PATJ: variants seen among roughly 807,000 people sequenced by gnomAD.
The protein encoded by PATJ is inaD-like protein.
In PATJ, 190 loss-of-function variants were observed where a neutral mutation model predicts 224.9. The observed-to-expected ratio is 0.84, with a 90% CI of 0.75 to 0.95. The LOEUF is 0.95. Among genes scored for constraint, PATJ ranks in the 40% least tolerant of loss-of-function variants. The pLI, the probability that PATJ is intolerant of heterozygous loss-of-function variation, is 0.00. For synonymous variants in PATJ, 769 were observed against 820.3 expected (o/e 0.94, Z 1.07); for missense variants, 2,121 against 2,270.3 (o/e 0.93, Z 1.34).
At chr1:62,130,411 T>G (rs112587033) in intron 41 of PATJ, among the ~76,000 whole-genome samples, 14 of 152,092 alleles carry the variant, frequency 9.2e-5, no homozygotes, top group African/African-American at 3.4e-4. Flanking sequence ...ACGCCTATAA[T>G]CCCAACACTC....
At chr1:61,871,555 ATATTTT>A (rs1407771602) in intron 20 of PATJ, among the ~76,000 whole-genome samples, 163 of 58,026 alleles carry the variant, frequency 2.8e-3, no homozygotes, top group African/African-American at 0.011. Context: ...ATATATATAT[ATATTTT>A]TTTTTTTTTT....
intron 27 of PATJ, among the ~76,000 whole-genome samples, chr1:61,947,943 G>C (rs1003026161): frequency 6.6e-6 from 1 of 152,090 alleles, no homozygotes; most frequent in African/African-American, 2.4e-5. Flanking sequence ...TGACAAACCT[G>C]ACAAAAACAT....
At chr1:61,832,925 C>G (rs957707267) in intron 16 of PATJ, among the ~76,000 whole-genome samples, 2 of 152,120 alleles carry the variant, frequency 1.3e-5, no homozygotes, top group Non-Finnish European at 2.9e-5. Flanking sequence ...TTCCACATAG[C>G]AATGACTCTT....
chr1:61,941,107 G>C (rs1677753290), intron 27 of PATJ, among the ~76,000 whole-genome samples: 1 of 152,164 alleles, frequency 6.6e-6, no homozygotes, highest in Admixed American at 6.5e-5. Context: ...CTGTAGGGTT[G>C]ACATTTTACT....
At chr1:62,133,685 CCT>C (rs1476727901) in intron 41 of PATJ, among the ~76,000 whole-genome samples, 1 of 151,894 alleles carries the variant, frequency 6.6e-6, no homozygotes, top group East Asian at 1.9e-4. Context: ...TCTGGAAACA[CCT>C]GGAGGGCTCC....
At chr1:62,017,775 A>C in intron 28 of PATJ, 81 bp from the exon 29 acceptor site, 2 of 695,728 alleles carry the variant, frequency 2.9e-6, no homozygotes, top group Non-Finnish European at 4.9e-6. Flanking sequence ...AATTCAGTAG[A>C]CTTTATCATT....
At chr1:61,820,668 T>C (rs989624596) in intron 14 of PATJ, among the ~76,000 whole-genome samples, 1 of 152,104 alleles carries the variant, frequency 6.6e-6, no homozygotes, top group African/African-American at 2.4e-5. Flanking sequence ...AATTGTAACT[T>C]TATATGGTTT....
chr1:62,031,417 T>TAA (rs1218643434), intron 29 of PATJ, among the ~76,000 whole-genome samples: 1 of 152,194 alleles, frequency 6.6e-6, no homozygotes, highest in Non-Finnish European at 1.5e-5. Flanking sequence ...TTATAGTCAT[T>TAA]ATATCTCTAT....
intron 31 of PATJ, among the ~76,000 whole-genome samples, chr1:62,073,797 C>T (rs1657836166): frequency 6.6e-6 from 1 of 152,138 alleles, no homozygotes; most frequent in African/African-American, 2.4e-5. Context: ...CCAGACCAGC[C>T]TAAGCGATAT....
chr1:62,146,296 G>A (rs1237229044), intron 41 of PATJ, among the ~76,000 whole-genome samples: 1 of 152,188 alleles, frequency 6.6e-6, no homozygotes, highest in Non-Finnish European at 1.5e-5. Context: ...CATCACTGCA[G>A]ATGACCCTAG....
intron 29 of PATJ, 76 bp from the exon 30 acceptor site, chr1:62,037,901 G>C: frequency 1.4e-6 from 1 of 737,224 alleles, no homozygotes; most frequent in Non-Finnish European, 2.2e-6. Flanking sequence ...ACTGAGAACT[G>C]AGGAAGTATT....
intron 28 of PATJ, among the ~76,000 whole-genome samples, chr1:61,993,104 G>C (rs1645161321): frequency 1.3e-5 from 2 of 152,208 alleles, no homozygotes; most frequent in Admixed American, 1.3e-4. Context: ...TTTAGAGGCT[G>C]TTTGCAATCC....
intron 31 of PATJ, among the ~76,000 whole-genome samples, chr1:62,064,812 A>C (rs1656134203): frequency 6.6e-6 from 1 of 152,104 alleles, no homozygotes; most frequent in South Asian, 2.1e-4. Context: ...CCCAATTTGC[A>C]CTCTATCAAC....
intron 27 of PATJ, among the ~76,000 whole-genome samples, chr1:61,950,075 G>A (rs1464893180): frequency 2.6e-5 from 4 of 152,024 alleles, no homozygotes; most frequent in African/African-American, 7.2e-5. Flanking sequence ...GTGGTGGCAC[G>A]TGCCTGTAAT....
rs547487932 is a variant in PATJ, at chr1:61,903,833, C to T, written c.3381+2374C>T. On this transcript the variant is annotated intron_variant, in intron 24 of 43. Transcript: ENST00000642238. ...TGTCACCCAGGCTGGAGTGCAGTGG[C>T]GCAATCTCAGCTCACTGCAACCTCC... Among the ~76,000 whole-genome samples the T allele has an allele frequency of 9.2e-4, 137 of 148,316 alleles. 1 individual carries two copies. Among genetic ancestry groups the T allele is most frequent in the African/African-American group, 3.3e-3 (134 of 40,214 alleles).
chr1:61,964,006 A>G (rs1215092939), intron 27 of PATJ, among the ~76,000 whole-genome samples: 1 of 152,196 alleles, frequency 6.6e-6, no homozygotes, highest in Non-Finnish European at 1.5e-5. Flanking sequence ...TCTAGAGGTA[A>G]TAACTGTTTT....
At position 61,795,099 on chromosome 1, in the gene PATJ, T is replaced by TTA. The variant is rs373716244; in HGVS notation, c.1169-368_1169-367insTA. Among the ~76,000 whole-genome samples the TTA allele has an allele frequency of 4.1e-3, 418 of 101,184 alleles. 2 individuals are homozygous for TTA. Among genetic ancestry groups the TTA allele is most frequent in the African/African-American group, 0.016 (402 of 25,626 alleles). The allele number at this position is 101,184 out of a possible 152,430, so 66.4% of individuals were successfully genotyped here. A position where few individuals can be genotyped will look rare whatever the true frequency, so the allele number is the denominator to read the frequency against. ...TAGGAGACTCTTGTCATAGTGATGG[T>TTA]AAAAAAAAAAAAAAAAAAAAAAAGA... On this transcript the variant is annotated intron_variant, in intron 9 of 43. Coordinates refer to ENST00000642238, the MANE Select transcript of PATJ (RefSeq NM_001350145.3).
Position 62,148,358 on chromosome 1 carries a change from G to A in PATJ, c.5346G>A (p.Ser1782=), listed in dbSNP as rs768195854. 5.6e-6 allele frequency: 9 copies of A among 1,613,384 alleles called. No homozygotes were observed. In the East Asian group the frequency reaches 6.7e-5, roughly 12 times the overall value. The change falls in exon 42 of 44, where the codon TCG becomes TCA. Residue 1782 remains serine, a synonymous_variant. Transcript: ENST00000642238. The part of the protein sequence containing the change: ...ENMSTGYHLG[S]PTAEHHPEDT... ...TGTCTACAGGCTACCACCTTGGTTC[G>A]CCCACTGCTGAACACCATCCAGAAG...
At chr1:61,978,216 C>T (rs1295802244) in intron 27 of PATJ, among the ~76,000 whole-genome samples, 2 of 141,948 alleles carry the variant, frequency 1.4e-5, no homozygotes, top group African/African-American at 2.6e-5. Context: ...TTCCTTCCTT[C>T]CTTCCTTCCT....
Sources: allele counts gnomAD v4.1 joint callset (sites outside exome capture counted in the v4.1 genomes callset), GRCh38; gene constraint gnomAD v4.1.1; transcripts MANE v1.5; gene names NCBI Gene and HGNC (gene_info 2026-07-23, HGNC 2026-07-21).